The following STAG2 variants were observed in gnomAD, a reference collection of about 807,000 sequenced individuals.
The protein encoded by STAG2 is cohesin subunit SA-2.
A neutral mutation model predicts 108.1 loss-of-function variants in STAG2; 14 were observed. That is an observed-to-expected ratio of 0.13 (90% CI 0.09 to 0.20). The LOEUF is 0.20. STAG2 is among the 10% of genes least tolerant of loss of function. The pLI, the probability that STAG2 is intolerant of heterozygous loss-of-function variation, is 1.00. For synonymous variants in STAG2, 307 were observed against 302.7 expected, an observed-to-expected ratio of 1.01 and a Z score of -0.15; for missense variants, 440 against 940.9, an observed-to-expected ratio of 0.47 and a Z score of 6.96.
intron 1 of STAG2, among the ~76,000 whole-genome samples, chrX:123,984,884 C>T (rs1301857734): frequency 9.0e-6 from 1 of 111,658 alleles, no homozygotes; most frequent in African/African-American, 3.3e-5. Context: ...AGCAATCTGT[C>T]TGCCCTCCTT....
At chrX:124,098,698 A>G (rs1201221466) in intron 34 of STAG2, among the ~76,000 whole-genome samples, 1 of 112,409 alleles carries the variant, frequency 8.9e-6, no homozygotes, top group African/African-American at 3.2e-5. Context: ...ATTTTTAAAC[A>G]TGATTTTCTA....
intron 13 of STAG2, among the ~76,000 whole-genome samples, chrX:124,052,218 T>C (rs1222750658): frequency 8.9e-6 from 1 of 111,991 alleles, no homozygotes; most frequent in Admixed American, 9.5e-5. Flanking sequence ...TTTTAAAGTA[T>C]GGTTTACTGT....
chrX:123,977,933 T>G (rs752702187), intron 1 of STAG2, among the ~76,000 whole-genome samples: 1 of 103,756 alleles, frequency 9.6e-6, no homozygotes, highest in South Asian at 4.6e-4. Flanking sequence ...GCCTTGACTT[T>G]CTGGGCTCAA....
At position 124,066,210 on chromosome X, in the gene STAG2, G is replaced by C. The variant is rs757510754; in HGVS notation, c.2132G>C (p.Cys711Ser). ...HDLSKWDLFA[C>S]NYKLLKTGIE... ...CTTTCAAAGTGGGATTTATTTGCTTGTAATTACAAACTCTTGAAAACTGGA... is the reference window on the plus strand; with the variant it reads ...CTTTCAAAGTGGGATTTATTTGCTTCTAATTACAAACTCTTGAAAACTGGA... Residue 711 changes from cysteine to serine, a missense_variant, in exon 22 of 35, where the codon TGT (cysteine) becomes TCT (serine). By Grantham distance (112) the Cys-to-Ser change is moderately radical. Transcript: ENST00000371145. 2.5e-6 allele frequency: 2 copies of C among 794,417 alleles called. No homozygotes were observed. Among genetic ancestry groups the C allele is most frequent in the Non-Finnish European group, 3.3e-6 (2 of 611,350 alleles). The allele number at this position is 794,417 out of a possible 1,213,427, so 65.5% of individuals were successfully genotyped here.
chrX:124,054,178 T>A (rs1266992147), intron 13 of STAG2, among the ~76,000 whole-genome samples: 1 of 112,475 alleles, frequency 8.9e-6, no homozygotes, highest in Non-Finnish European at 1.9e-5. Context: ...AACAAAGCAT[T>A]GTTTGTAATA....
intron 24 of STAG2, among the ~76,000 whole-genome samples, 167 bp downstream of exon 24, chrX:124,068,823 A>G (rs2058599503): frequency 8.9e-6 from 1 of 112,255 alleles, no homozygotes; most frequent in Admixed American, 9.5e-5. Context: ...TTTGTGCATA[A>G]TAAAATTGAT....
chrX:123,998,061 C>T (rs1035720015), intron 1 of STAG2, among the ~76,000 whole-genome samples: 1 of 111,467 alleles, frequency 9.0e-6, no homozygotes, highest in South Asian at 3.7e-4. Context: ...TGAATAATGT[C>T]GCTATGAACA....
chrX:123,963,908 A>G (rs1257640559), intron 1 of STAG2, among the ~76,000 whole-genome samples: 1 of 111,876 alleles, frequency 8.9e-6, no homozygotes, highest in Non-Finnish European at 1.9e-5. Flanking sequence ...ATCTTTGGGT[A>G]GAAGTGTACT....
chrX:124,090,171 A>AAAAG (rs2059220478), intron 30 of STAG2, among the ~76,000 whole-genome samples: 1 of 104,872 alleles, frequency 9.5e-6, no homozygotes, highest in Non-Finnish European at 2.0e-5. Flanking sequence ...AAAAAAAAAA[A>AAAAG]AAAAAAAAAA....
intron 1 of STAG2, among the ~76,000 whole-genome samples, chrX:123,966,663 C>T (rs2054109462): frequency 9.0e-6 from 1 of 110,794 alleles, no homozygotes; most frequent in South Asian, 3.7e-4. Flanking sequence ...GACTGCTTTA[C>T]GTTTAATTTA....
At chrX:124,037,407 G>T in intron 5 of STAG2, 120 bp from the exon 6 acceptor site, 1 of 250,143 alleles carries the variant, frequency 4.0e-6, no homozygotes, top group Non-Finnish European at 7.3e-6. Flanking sequence ...CAGTGTATAA[G>T]TATTTATATT....
chrX:124,099,329 G>T (rs1028700788), intron 34 of STAG2, among the ~76,000 whole-genome samples: 2 of 111,392 alleles, frequency 1.8e-5, no homozygotes, highest in Admixed American at 9.5e-5. Flanking sequence ...CTTTTCTACC[G>T]AGATTCATAG....
At chrX:123,969,138 T>C (rs180912623) in intron 1 of STAG2, among the ~76,000 whole-genome samples, 22 of 112,234 alleles carry the variant, frequency 2.0e-4, no homozygotes, top group African/African-American at 5.8e-4. Flanking sequence ...CTGAGGTCTA[T>C]ATTGTCTTTT....
intron 30 of STAG2, 91 bp from the exon 31 acceptor site, chrX:124,090,484 C>G (rs2059231830): frequency 1.3e-6 from 1 of 753,183 alleles, no homozygotes; most frequent in East Asian, 3.2e-5. Context: ...ATGTGGAAAT[C>G]AACAGATGTT....
chrX:124,079,133 CTT>C (rs923882264), intron 27 of STAG2, among the ~76,000 whole-genome samples: 3 of 101,469 alleles, frequency 3.0e-5, no homozygotes, highest in African/African-American at 1.1e-4. Flanking sequence ...TAGGAATGTC[CTT>C]TTTTTTTTTT....
chrX:123,989,595 C>CT (rs1348261717), intron 1 of STAG2, among the ~76,000 whole-genome samples: 70 of 106,240 alleles, frequency 6.6e-4, no homozygotes, highest in African/African-American at 2.2e-3. Flanking sequence ...TAATTATTTT[C>CT]TTTTTTTCTT....
At chrX:123,964,456 G>A (rs748834942) in intron 1 of STAG2, among the ~76,000 whole-genome samples, 2 of 111,675 alleles carry the variant, frequency 1.8e-5, no homozygotes, top group South Asian at 7.4e-4. Context: ...GAGTTACAGT[G>A]AGTCAGTATG....
chrX:124,038,750 T>G (rs1308076948), intron 6 of STAG2, among the ~76,000 whole-genome samples: 3 of 111,646 alleles, frequency 2.7e-5, no homozygotes, highest in Non-Finnish European at 5.6e-5. Context: ...TTGAGAAATT[T>G]AAAAAATTGT....
At chrX:124,061,364 T>G (rs1268941321) in intron 16 of STAG2, 23 bp downstream of exon 16, 2 of 1,097,687 alleles carry the variant, frequency 1.8e-6, no homozygotes, top group Non-Finnish European at 2.5e-6. Flanking sequence ...AATTATGATA[T>G]TTTTGTTTAG....
Sources: gnomAD v4.1 joint callset for allele counts (sites outside exome capture counted in the v4.1 genomes callset) on GRCh38, gnomAD v4.1.1 for gene constraint, MANE v1.5 for transcripts, NCBI Gene and HGNC (gene_info 2026-07-23, HGNC 2026-07-21) for gene names.